Variants in PCSK5 observed in about 807,000 individuals in gnomAD.
The protein encoded by PCSK5 is proprotein convertase subtilisin/kexin type 5.
Under a neutral mutation model 233.2 loss-of-function variants are expected in PCSK5, and 129 were observed. The ratio of observed to expected loss-of-function variants is 0.55; its 90% CI spans 0.48 to 0.64. The LOEUF (loss-of-function observed/expected upper bound fraction) is 0.64, where lower values mean the gene tolerates loss of function less well. Among genes scored for constraint, PCSK5 ranks in the 30% least tolerant of loss-of-function variants. The probability of loss-of-function intolerance (pLI) is 0.00; values close to 1 mark genes in which losing one functional copy is unlikely to be tolerated. For missense variants in PCSK5, 2,076 were observed against 2,430.1 expected (o/e 0.85, Z 3.06); for synonymous variants, 825 against 879.2 (o/e 0.94, Z 1.09).
intron 20 of PCSK5, among the ~76,000 whole-genome samples, chr9:76,200,359 C>T (rs1317916693): frequency 6.6e-6 from 1 of 152,178 alleles, no homozygotes; most frequent in Non-Finnish European, 1.5e-5. Flanking sequence ...CTTCTCATCC[C>T]ACAGGTCTCA....
At chr9:76,175,995 T>C (rs1173322313) in intron 14 of PCSK5, among the ~76,000 whole-genome samples, 2 of 148,202 alleles carry the variant, frequency 1.3e-5, no homozygotes, top group Non-Finnish European at 3.0e-5. Context: ...CACTGTTAAG[T>C]TTTGTTTTGG....
intron 5 of PCSK5, among the ~76,000 whole-genome samples, chr9:76,045,818 C>T (rs1233671154): frequency 1.3e-5 from 2 of 152,182 alleles, no homozygotes; most frequent in Non-Finnish European, 2.9e-5. Context: ...ATTTGGTGAT[C>T]TCAGTGATCT....
intron 20 of PCSK5, among the ~76,000 whole-genome samples, chr9:76,196,533 G>T (rs1824710977): frequency 6.6e-6 from 1 of 152,160 alleles, no homozygotes; most frequent in Non-Finnish European, 1.5e-5. Context: ...TCTGCCTTTT[G>T]GGGAAAAGAA....
At chr9:75,987,944 G>A (rs1467391687) in intron 3 of PCSK5, among the ~76,000 whole-genome samples, 2 of 152,210 alleles carry the variant, frequency 1.3e-5, no homozygotes, top group Admixed American at 1.3e-4. Flanking sequence ...CCACTGGACA[G>A]TAGAACTATC....
At chr9:76,109,552 C>A (rs1312123234) in intron 9 of PCSK5, among the ~76,000 whole-genome samples, 1 of 139,222 alleles carries the variant, frequency 7.2e-6, no homozygotes. Context: ...CATTGAAAGA[C>A]TACAATTGTT....
chr9:76,189,897 ATG>A (rs1824283400), intron 20 of PCSK5, 151 bp downstream of exon 20: 2 of 549,536 alleles, frequency 3.6e-6, no homozygotes, highest in African/African-American at 3.8e-5. Flanking sequence ...TCTTGAACTT[ATG>A]CCCTTAATGG....
intron 27 of PCSK5, among the ~76,000 whole-genome samples, chr9:76,297,678 A>AG (rs557025563): frequency 6.4e-4 from 98 of 152,358 alleles, no homozygotes; most frequent in African/African-American, 2.3e-3. Flanking sequence ...ATGCGGAGAC[A>AG]GTCACAAAAA....
At chr9:76,074,056 G>C (rs765224312) in intron 7 of PCSK5, among the ~76,000 whole-genome samples, 42 of 152,044 alleles carry the variant, frequency 2.8e-4, no homozygotes, top group Non-Finnish European at 5.9e-4. Context: ...ATGCTTATTG[G>C]ATAGATTATA....
intron 3 of PCSK5, among the ~76,000 whole-genome samples, chr9:75,987,630 G>T (rs1031575794): frequency 6.6e-6 from 1 of 152,082 alleles, no homozygotes; most frequent in East Asian, 1.9e-4. Context: ...ATTTTACACA[G>T]AAATTTTCCT....
At chr9:76,263,077 G>T (rs565872540) in intron 24 of PCSK5, among the ~76,000 whole-genome samples, 46 of 152,100 alleles carry the variant, frequency 3.0e-4, no homozygotes, top group African/African-American at 1.1e-3. Context: ...ACCACAATGA[G>T]ATATCATCTC....
intron 3 of PCSK5, among the ~76,000 whole-genome samples, chr9:76,008,651 A>C (rs1276414200): frequency 6.6e-6 from 1 of 152,034 alleles, no homozygotes; most frequent in Non-Finnish European, 1.5e-5. Context: ...TAGTAGAGAC[A>C]GGGTTTCACT....
At chr9:75,998,396 G>A (rs936249863) in intron 3 of PCSK5, among the ~76,000 whole-genome samples, 3 of 152,124 alleles carry the variant, frequency 2.0e-5, no homozygotes, top group Admixed American at 2.0e-4. Context: ...TGCTTACTTT[G>A]AATCAGGTGG....
intron 34 of PCSK5, among the ~76,000 whole-genome samples, chr9:76,337,164 A>C (rs1234268723): frequency 1.4e-5 from 1 of 69,126 alleles, no homozygotes. Context: ...ACATTTATTT[A>C]TTTTATGTTA....
Position 76,159,321 on chromosome 9 carries a change from G to A in PCSK5, c.1619+150G>A. The A allele has an allele frequency of 6.0e-6, 4 of 662,246 alleles. No homozygotes were observed. The South Asian group carries it at 6.2e-5, about 10-fold the overall frequency. 41.0% of individuals were successfully genotyped at this position (662,246 alleles called of 1,614,324 possible). A position where few individuals can be genotyped will look rare whatever the true frequency, so the allele number is the denominator to read the frequency against. The stretch of plus-strand genomic sequence containing the variant: ...CAGGATCTCACTGCTCATAAGTAGA[G>A]AGTGTGAAGCTGCCTATAATCTGTA... On this transcript the variant is annotated intron_variant, in intron 12 of 37. Coordinates refer to ENST00000674117, the MANE Select transcript of PCSK5 (RefSeq NM_001372043.1).
At chr9:76,349,875 G>A (rs529971648) in intron 35 of PCSK5, among the ~76,000 whole-genome samples, 1 of 152,198 alleles carries the variant, frequency 6.6e-6, no homozygotes, top group Non-Finnish European at 1.5e-5. Flanking sequence ...TCCTTTTTGG[G>A]GTGTCTGAAT....
chr9:76,283,869 G>A (rs1827962128), intron 24 of PCSK5, among the ~76,000 whole-genome samples: 1 of 152,140 alleles, frequency 6.6e-6, no homozygotes, highest in Non-Finnish European at 1.5e-5. Context: ...AAAATGCTAG[G>A]TAAACAAGTT....
At position 76,147,625 on chromosome 9, in the gene PCSK5, C is replaced by T. The variant is rs902573564; in HGVS notation, c.1313-9420C>T. Among the ~76,000 whole-genome samples, 4 of 152,134 alleles carry T rather than the reference C, an allele frequency of 2.6e-5. No individual in the cohort carries two copies. In the South Asian group the frequency reaches 6.2e-4, roughly 24 times the overall value. ...TGCTTTAGCAAGTCCTGGGTGATTC[C>T]GATACACATGCAAGTTTGAGGACTA... On this transcript the variant is annotated intron_variant, in intron 10 of 37. Transcript: ENST00000674117.
intron 2 of PCSK5, among the ~76,000 whole-genome samples, chr9:75,965,535 T>C (rs538029395): frequency 2.6e-5 from 4 of 152,322 alleles, no homozygotes; most frequent in South Asian, 2.1e-4. Context: ...TCCTCCCTTC[T>C]TCTGCTTTTT....
At chr9:76,207,523 T>G (rs1036317054) in intron 20 of PCSK5, among the ~76,000 whole-genome samples, 1 of 152,260 alleles carries the variant, frequency 6.6e-6, no homozygotes, top group Admixed American at 6.5e-5. Flanking sequence ...ACTTACTATG[T>G]GTTAAGTACT....
Sources: allele counts gnomAD v4.1 joint callset (sites outside exome capture counted in the v4.1 genomes callset), GRCh38; gene constraint gnomAD v4.1.1; transcripts MANE v1.5; gene names NCBI Gene and HGNC (gene_info 2026-07-23, HGNC 2026-07-21).